The following TMEM38B variants were observed in gnomAD, a reference collection of about 807,000 sequenced individuals.
The protein encoded by TMEM38B is transmembrane protein 38B, also known as trimeric intracellular cation channel type B.
In TMEM38B, 24 loss-of-function variants were observed where a neutral mutation model predicts 28.7. The ratio of observed to expected loss-of-function variants is 0.84; its 90% CI spans 0.61 to 1.18. The LOEUF is 1.18. Ranked by LOEUF, TMEM38B falls within the 50% of genes most tolerant of loss-of-function variation. The pLI, the probability that TMEM38B is intolerant of heterozygous loss-of-function variation, is 0.00. For synonymous variants in TMEM38B, 131 were observed against 127.7 expected, an observed-to-expected ratio of 1.03 and a Z score of -0.17; for missense variants, 380 against 350.9, an observed-to-expected ratio of 1.08 and a Z score of -0.66.
At chr9:105,773,300 G>A (rs149567621) in intron 5 of TMEM38B, among the ~76,000 whole-genome samples, 59 of 152,230 alleles carry the variant, frequency 3.9e-4, no homozygotes, top group African/African-American at 1.4e-3. Context: ...TCTACAATCT[G>A]TTGAGGGTAG....
At chr9:105,738,654 G>A (rs576259435) in intron 4 of TMEM38B, among the ~76,000 whole-genome samples, 21 of 148,372 alleles carry the variant, frequency 1.4e-4, no homozygotes, top group Non-Finnish European at 2.2e-4. Flanking sequence ...AGATTTTCCC[G>A]TGTTTTCTTT....
chr9:105,743,478 A>T (rs1408922449), intron 4 of TMEM38B, among the ~76,000 whole-genome samples: 2 of 152,292 alleles, frequency 1.3e-5, no homozygotes, highest in East Asian at 3.9e-4. Context: ...TACTTGTAAG[A>T]TAGAGAGTTA....
intron 1 of TMEM38B, among the ~76,000 whole-genome samples, chr9:105,696,873 A>G (rs1826691317): frequency 2.6e-5 from 4 of 152,260 alleles, no homozygotes; most frequent in Non-Finnish European, 5.9e-5. Context: ...TAGATAAAAT[A>G]TAAATCTTAG....
intron 5 of TMEM38B, among the ~76,000 whole-genome samples, chr9:105,767,345 TA>T: frequency 1.3e-5 from 2 of 152,318 alleles, no homozygotes; most frequent in South Asian, 4.1e-4. Context: ...TTAATTACCA[TA>T]ACTTTATAGT....
chr9:105,731,641 C>A (rs558072980), intron 4 of TMEM38B, among the ~76,000 whole-genome samples: 5 of 152,108 alleles, frequency 3.3e-5, no homozygotes, highest in Middle Eastern at 3.4e-3. Context: ...TGAACTCATC[C>A]TTTTTTATGG....
Position 105,731,278 on chromosome 9 carries a change from T to C in TMEM38B, c.542+8657T>C, listed in dbSNP as rs1369939488. 6.0e-5 allele frequency among the ~76,000 whole-genome samples: 9 copies of C among 150,854 alleles called. 1 individual carries two copies. The East Asian group carries it at 1.2e-3, about 20-fold the overall frequency. Reference sequence around the variant, plus strand: ...TGGTACGTTGTAGCTTTGTTCTCATTGGTTTCAAAGAACATCTTTATTATT... The same window carrying C: ...TGGTACGTTGTAGCTTTGTTCTCATCGGTTTCAAAGAACATCTTTATTATT... On this transcript the variant is annotated intron_variant, in intron 4 of 5. Coordinates refer to ENST00000374692, the MANE Select transcript of TMEM38B (RefSeq NM_018112.3).
intron 4 of TMEM38B, among the ~76,000 whole-genome samples, chr9:105,732,680 G>C (rs912331113): frequency 2.0e-5 from 3 of 152,030 alleles, no homozygotes; most frequent in Non-Finnish European, 4.4e-5. Flanking sequence ...CTCTGTTTTG[G>C]TACCAGTACC....
chr9:105,720,460 A>C lies in TMEM38B; in HGVS notation c.270-1077A>C, dbSNP rs1406630015. ...GCTGAGATGTTAAAATAAAATAAGAATCCCAAAGTCAATGACTATGGTAAT... is the reference window on the plus strand; with the variant it reads ...GCTGAGATGTTAAAATAAAATAAGACTCCCAAAGTCAATGACTATGGTAAT... On this transcript the variant is annotated intron_variant, in intron 2 of 5. Transcript: ENST00000374692. Among the ~76,000 whole-genome samples the C allele has an allele frequency of 2.6e-5, 4 of 152,134 alleles. No individual in the cohort carries two copies. In the East Asian group the frequency reaches 7.7e-4, roughly 29 times the overall value.
At position 105,758,058 on chromosome 9, in the gene TMEM38B, A is replaced by G. The variant is rs528234176; in HGVS notation, c.660+9868A>G. 5.2e-5 allele frequency: 16 copies of G among 307,722 alleles called. No homozygotes were observed. In the South Asian group the frequency reaches 9.4e-4, roughly 18 times the overall value. The allele number at this position is 307,722 out of a possible 1,614,324, so 19.1% of individuals were successfully genotyped here. A position where few individuals can be genotyped will look rare whatever the true frequency, so the allele number is the denominator to read the frequency against. Reference sequence around the variant, plus strand: ...AAAATTCTTTAGCAGATGCTATTCAAATCGGCGGCAGGGCCAGTGGTTGTG... The same window carrying G: ...AAAATTCTTTAGCAGATGCTATTCAGATCGGCGGCAGGGCCAGTGGTTGTG... On this transcript the variant is annotated intron_variant, in intron 5 of 5. Coordinates refer to ENST00000374692, the MANE Select transcript of TMEM38B (RefSeq NM_018112.3).
chr9:105,771,140 C>T (rs1428558935), intron 5 of TMEM38B, among the ~76,000 whole-genome samples: 1 of 152,056 alleles, frequency 6.6e-6, no homozygotes, highest in African/African-American at 2.4e-5. Context: ...TGTTTCATCT[C>T]CTTTTTAAGT....
chr9:105,733,421 C>CTTTTTTTTTTTT (rs71306454), intron 4 of TMEM38B, among the ~76,000 whole-genome samples: 1 of 127,872 alleles, frequency 7.8e-6, no homozygotes, highest in African/African-American at 2.9e-5. Flanking sequence ...TTTCTTTTTT[C>CTTTTTTTTTTTT]TTTTTTTTTT....
rs181063184 is a variant in TMEM38B at position 105,743,187 on chromosome 9, A to G, written c.543-4886A>G. On this transcript the variant is annotated intron_variant, in intron 4 of 5. Transcript: ENST00000374692. ...AGACAAGGAATGGATTCTTTCTTAGAGTTTCTGGAAGTAGTGTGGCCCTAC... is the reference window on the plus strand; with the variant it reads ...AGACAAGGAATGGATTCTTTCTTAGGGTTTCTGGAAGTAGTGTGGCCCTAC... Among the ~76,000 whole-genome samples the G allele has an allele frequency of 1.2e-3, 182 of 152,312 alleles. 1 individual carries two copies. Among genetic ancestry groups the G allele is most frequent in the African/African-American group, 4.1e-3 (172 of 41,562 alleles).
chr9:105,705,540 G>C, intron 1 of TMEM38B, 57 bp from the exon 2 acceptor site: 1 of 1,498,426 alleles, frequency 6.7e-7, no homozygotes. Context: ...TTGTACTTTG[G>C]GGCTTGTTTA....
At chr9:105,743,280 G>A (rs1192065978) in intron 4 of TMEM38B, among the ~76,000 whole-genome samples, 1 of 152,146 alleles carries the variant, frequency 6.6e-6, no homozygotes, top group Non-Finnish European at 1.5e-5. Context: ...TGAATTTGTT[G>A]TAATTTATTG....
At chr9:105,765,008 C>G (rs1826317105) in intron 5 of TMEM38B, among the ~76,000 whole-genome samples, 1 of 152,152 alleles carries the variant, frequency 6.6e-6, no homozygotes, top group Non-Finnish European at 1.5e-5. Flanking sequence ...ATAAATGGTT[C>G]TGGGACAACT....
At position 105,756,016 on chromosome 9, in the gene TMEM38B, A is replaced by G. The variant is rs555789886; in HGVS notation, c.660+7826A>G. Among the ~76,000 whole-genome samples, 5 of 152,268 alleles carry G rather than the reference A, an allele frequency of 3.3e-5. No individual in the cohort carries two copies. In the East Asian group the frequency reaches 9.7e-4, roughly 29 times the overall value. ...GAGGCCAAGGTTGGCAGATCTCTAG[A>G]GGTCAGGAGTTCAAGACCAGTCTGG... On this transcript the variant is annotated intron_variant, in intron 5 of 5. Coordinates refer to ENST00000374692, the MANE Select transcript of TMEM38B (RefSeq NM_018112.3).
At chr9:105,711,930 T>G (rs1283792641) in intron 2 of TMEM38B, among the ~76,000 whole-genome samples, 2 of 152,156 alleles carry the variant, frequency 1.3e-5, no homozygotes, top group Non-Finnish European at 2.9e-5. Flanking sequence ...TTCTCTCTCT[T>G]TTTTTTCTGG....
At chr9:105,699,634 C>T (rs1479141109) in intron 1 of TMEM38B, among the ~76,000 whole-genome samples, 1 of 152,154 alleles carries the variant, frequency 6.6e-6, no homozygotes, top group Non-Finnish European at 1.5e-5. Flanking sequence ...GCTTTAAAAT[C>T]CCAGGAAAGA....
rs576841562 is a variant in TMEM38B, at chr9:105,743,078, A to G, written c.543-4995A>G. 2.3e-4 allele frequency among the ~76,000 whole-genome samples: 35 copies of G among 152,292 alleles called. No individual in the cohort carries two copies. In the East Asian group the frequency reaches 6.7e-3, roughly 29 times the overall value. ...GATGGAACAGATCTGGGGACTAAAG[A>G]AAAAAACAAAGAAGAAGAAAACAAT... On this transcript the variant is annotated intron_variant, in intron 4 of 5. Transcript: ENST00000374692.
Sources: allele counts gnomAD v4.1 joint callset (sites outside exome capture counted in the v4.1 genomes callset), GRCh38; gene constraint gnomAD v4.1.1; transcripts MANE v1.5; gene names NCBI Gene and HGNC (gene_info 2026-07-23, HGNC 2026-07-21).